The following MOB4 variants were observed in gnomAD, a reference collection of about 807,000 sequenced individuals.
The protein encoded by MOB4 is MOB-like protein phocein.
In MOB4, 4 loss-of-function variants were observed where a neutral mutation model predicts 32.2. The ratio of observed to expected loss-of-function variants is 0.12; its 90% CI spans 0.06 to 0.28. The LOEUF is 0.28. Among genes scored for constraint, MOB4 ranks in the 10% least tolerant of loss-of-function variants. MOB4 has a pLI of 1.00. For missense variants in MOB4, 158 were observed against 271.2 expected (o/e 0.58, Z 2.93); for synonymous variants, 88 against 88.1 (o/e 1.00, Z 0.01).
At chr2:197,530,965 A>T (rs1165852425) in intron 2 of MOB4, among the ~76,000 whole-genome samples, 1 of 151,780 alleles carries the variant, frequency 6.6e-6, no homozygotes, top group African/African-American at 2.4e-5. Flanking sequence ...ATCTTGTTTG[A>T]TGTTCACTCA....
chr2:197,516,218 C>A, intron 1 of MOB4, 72 bp downstream of exon 1: 6 of 1,540,910 alleles, frequency 3.9e-6, no homozygotes, highest in Non-Finnish European at 5.2e-6. Context: ...CTGGCCGCCA[C>A]TGCGGGGAGG....
At chr2:197,550,178 G>A (rs2087073629) in intron 6 of MOB4, 97 bp from the exon 7 acceptor site, 2 of 1,113,826 alleles carry the variant, frequency 1.8e-6, no homozygotes, top group South Asian at 3.9e-5. Context: ...ATTTTCCCTA[G>A]GTGTCAGTTT....
chr2:197,515,943 C>T (rs1239831178), upstream of MOB4: 5 of 811,398 alleles, frequency 6.2e-6, no homozygotes. Context: ...CGCTTCTACC[C>T]GGACGGCTCC....
rs1406263991 is a variant in MOB4, at chr2:197,552,981, A to G, written c.*2335A>G. The G allele has an allele frequency of 6.6e-6, 1 of 152,196 alleles. No homozygotes were observed. The highest frequency in any genetic ancestry group is 6.5e-5 in the Admixed American group (1 of 15,284). 9.4% of individuals were successfully genotyped at this position (152,196 alleles called of 1,614,324 possible). ...TTCTTTTTCTCCTATCACATCTGGG[A>G]AAGTAGCTAACTTTTAACTATTTAT... is the stretch of plus-strand genomic sequence containing the variant. On this transcript the variant is annotated 3_prime_UTR_variant, in exon 8 of 8. Coordinates refer to ENST00000323303, the MANE Select transcript of MOB4 (RefSeq NM_015387.5).
At chr2:197,533,722 CAAAAAAAAAA>C (rs796816631) in intron 2 of MOB4, 6 of 142,430 alleles carry the variant, frequency 4.2e-5, no homozygotes, top group South Asian at 3.0e-4. Context: ...CAAAACTCCT[CAAAAAAAAAA>C]AAAAAAAAAA....
chr2:197,547,068 A>C (rs1205390490), intron 5 of MOB4, among the ~76,000 whole-genome samples: 1 of 149,452 alleles, frequency 6.7e-6, no homozygotes, highest in African/African-American at 2.6e-5. Context: ...CAACATAGTG[A>C]GACCTTCTTT....
intron 3 of MOB4, among the ~76,000 whole-genome samples, chr2:197,537,719 T>C (rs2086826074): frequency 6.6e-6 from 1 of 152,204 alleles, no homozygotes; most frequent in South Asian, 2.1e-4. Context: ...CAGAGAGCAC[T>C]TTAGTGTAGT....
rs1366543035 is a variant in MOB4, at chr2:197,551,166, A to T, written c.*520A>T. 2.0e-5 allele frequency: 3 copies of T among 152,372 alleles called. No individual in the cohort carries two copies. Among genetic ancestry groups the T allele is most frequent in the African/African-American group, 7.2e-5 (3 of 41,462 alleles). The allele number at this position is 152,372 out of a possible 1,614,324, so 9.4% of individuals were successfully genotyped here. A position where few individuals can be genotyped will look rare whatever the true frequency, so the allele number is the denominator to read the frequency against. ...TAGTTTTTGATATGCATATATAATT[A>T]TGTGTATATCTAAATACAAATGCAA... On this transcript the variant is annotated 3_prime_UTR_variant, in exon 8 of 8. Transcript: ENST00000323303.
intron 2 of MOB4, among the ~76,000 whole-genome samples, chr2:197,525,197 A>G (rs180906791): frequency 6.6e-6 from 1 of 151,686 alleles, no homozygotes; most frequent in Admixed American, 6.6e-5. Context: ...ATATAAAAAA[A>G]TTAGCCGGGC....
intron 1 of MOB4, among the ~76,000 whole-genome samples, chr2:197,520,893 TAA>T (rs77272123): frequency 2.0e-4 from 22 of 107,882 alleles, no homozygotes; most frequent in African/African-American, 5.6e-4. Context: ...CCTCGTCTCT[TAA>T]AAAAAAAAAA....
intron 2 of MOB4, among the ~76,000 whole-genome samples, chr2:197,528,545 T>C (rs1321627366): frequency 6.6e-6 from 1 of 152,118 alleles, no homozygotes; most frequent in African/African-American, 2.4e-5. Flanking sequence ...ATTATATTTA[T>C]ACCCAGATAT....
intron 2 of MOB4, among the ~76,000 whole-genome samples, chr2:197,529,079 G>T (rs542378718): frequency 2.0e-5 from 3 of 151,444 alleles, no homozygotes; most frequent in Admixed American, 6.6e-5. Flanking sequence ...ATGAGTTCAA[G>T]CAGTTCTCCT....
In MOB4 at chr2:197,550,730, C is replaced by G; in HGVS notation, c.*84C>G. 7.0e-7 allele frequency: 1 copy of G among 1,419,228 alleles called. No individual in the cohort carries two copies. Among genetic ancestry groups the G allele is most frequent in the East Asian group, 2.6e-5 (1 of 39,158 alleles). 87.9% of individuals were successfully genotyped at this position (1,419,228 alleles called of 1,614,324 possible). A position where few individuals can be genotyped will look rare whatever the true frequency, so the allele number is the denominator to read the frequency against. ...ATTTTAGACACATCAATCATGTATC[C>G]ATATTATAGCTTCTTTGTTTAGTAT... On this transcript the variant is annotated 3_prime_UTR_variant, in exon 8 of 8. Coordinates refer to ENST00000323303, the MANE Select transcript of MOB4 (RefSeq NM_015387.5).
intron 6 of MOB4, 106 bp from the exon 7 acceptor site, chr2:197,550,169 T>C: frequency 9.6e-7 from 1 of 1,042,762 alleles, no homozygotes; most frequent in East Asian, 2.7e-5. Context: ...TAGTCGCTTA[T>C]TTTCCCTAGG....
At chr2:197,549,591 C>T (rs1373035994) in intron 6 of MOB4, among the ~76,000 whole-genome samples, 3 of 151,962 alleles carry the variant, frequency 2.0e-5, no homozygotes, top group Non-Finnish European at 2.9e-5. Flanking sequence ...TCTTGCTCAA[C>T]CAGGCTGGAG....
rs1412543602 is a variant in MOB4 at position 197,516,121 on chromosome 2, G to A, written c.35G>A (p.Arg12Gln). 4 of 1,604,282 alleles carry A rather than the reference G, an allele frequency of 2.5e-6. No individual in the cohort carries two copies. In the South Asian group the frequency reaches 3.4e-5, roughly 14 times the overall value. ...VMAEGTAVLR[R>Q]NRPGTKAQDF... The stretch of plus-strand genomic sequence containing the variant: ...GCGGAGGGGACGGCAGTGCTGAGGC[G>A]GAACAGGCCGGGCACCAAGGCGCAG... Residue 12 changes from arginine (R) to glutamine (Q), a missense_variant, in exon 1 of 8, where the codon CGG becomes CAG. By Grantham distance (43) the Arg-to-Gln change is conservative. Around this residue, in one of 6 missense-constraint regions of MOB4, gnomAD observed 41 missense variants for 26.4 expected, o/e 1.55. Coordinates refer to ENST00000323303, the MANE Select transcript of MOB4 (RefSeq NM_015387.5).
At chr2:197,525,155 C>G (rs1281599907) in intron 2 of MOB4, among the ~76,000 whole-genome samples, 1 of 151,960 alleles carries the variant, frequency 6.6e-6, no homozygotes, top group African/African-American at 2.4e-5. Flanking sequence ...ACCATCCTGG[C>G]TAACATGGTG....
At chr2:197,527,631 CTT>C (rs1326023374) in intron 2 of MOB4, among the ~76,000 whole-genome samples, 5 of 152,064 alleles carry the variant, frequency 3.3e-5, no homozygotes, top group African/African-American at 1.2e-4. Context: ...CGTTTTATTT[CTT>C]TATCTTGTCT....
chr2:197,531,147 A>G (rs1305317199), intron 2 of MOB4, among the ~76,000 whole-genome samples: 1 of 150,276 alleles, frequency 6.7e-6, no homozygotes, highest in East Asian at 2.0e-4. Context: ...TCCCAGGTTC[A>G]CGCTACTCTC....
Sources: allele counts gnomAD v4.1 joint callset (sites outside exome capture counted in the v4.1 genomes callset), GRCh38; gene constraint gnomAD v4.1.1; regional missense constraint gnomAD v4.1.1; transcripts MANE v1.5; gene names NCBI Gene and HGNC (gene_info 2026-07-23, HGNC 2026-07-21).